Variants in NRG1 observed in about 807,000 individuals in gnomAD.
The protein encoded by NRG1 is pro-neuregulin-1, membrane-bound isoform.
In NRG1, 18 loss-of-function variants were observed where a neutral mutation model predicts 63.8. That is an observed-to-expected ratio of 0.28 (90% CI 0.19 to 0.42). NRG1 has a LOEUF of 0.42. Among genes scored for constraint, NRG1 ranks in the 10% least tolerant of loss-of-function variants. NRG1 has a pLI of 1.00. For missense variants in NRG1, 762 were observed against 814.7 expected (o/e 0.94, Z 0.79); for synonymous variants, 302 against 301.3 (o/e 1.00, Z -0.02).
chr8:32,535,323 T>A (rs540688598), intron 1 of NRG1, among the ~76,000 whole-genome samples: 1 of 152,332 alleles, frequency 6.6e-6, no homozygotes, highest in East Asian at 1.9e-4. Flanking sequence ...ATCCTTAGGC[T>A]GTGATATGTT....
rs35582021 is a variant in NRG1, at chr8:32,281,184, C to CTTTTTTTTTTTTTTTTTTTTTT, written c.38-314633_38-314632insTTTTTTTTTTTTTTTTTTTTTT. On this transcript the variant is annotated intron_variant, in intron 1 of 10. Transcript: ENST00000519301. Reference sequence around the variant, plus strand: ...CATAGTACCCAATAGGTAGTTTTTCCTTTTTTTTTTTGAGACAGAATCTCG... The same window carrying CTTTTTTTTTTTTTTTTTTTTTT: ...CATAGTACCCAATAGGTAGTTTTTCCTTTTTTTTTTTTTTTTTTTTTTTTTTTTTTTTTGAGACAGAATCTCG... Among the ~76,000 whole-genome samples the CTTTTTTTTTTTTTTTTTTTTTT allele has an allele frequency of 3.7e-4, 35 of 94,330 alleles. 5 individuals are homozygous for CTTTTTTTTTTTTTTTTTTTTTT. Among genetic ancestry groups the CTTTTTTTTTTTTTTTTTTTTTT allele is most frequent in the Non-Finnish European group, 4.6e-4 (23 of 50,532 alleles). The allele number at this position is 94,330 out of a possible 152,430, so 61.9% of individuals were successfully genotyped here.
chr8:32,115,157 A>G (rs1031435266), intron 1 of NRG1, among the ~76,000 whole-genome samples: 5 of 151,966 alleles, frequency 3.3e-5, no homozygotes, highest in Non-Finnish European at 7.4e-5. Context: ...CAGCCTCCCA[A>G]GTAGCTGGAA....
intron 1 of NRG1, among the ~76,000 whole-genome samples, chr8:32,316,744 A>G (rs989814285): frequency 2.0e-5 from 3 of 152,116 alleles, no homozygotes; most frequent in Non-Finnish European, 4.4e-5. Flanking sequence ...ATGCATTGCA[A>G]TTAACAGATC....
intron 6 of NRG1, among the ~76,000 whole-genome samples, chr8:32,741,101 A>G (rs1191263107): frequency 6.6e-6 from 1 of 152,140 alleles, no homozygotes; most frequent in Non-Finnish European, 1.5e-5. Flanking sequence ...TGCTTTAGTT[A>G]TTAGAGTAAC....
At chr8:32,493,844 T>A (rs1356701281) in intron 1 of NRG1, among the ~76,000 whole-genome samples, 1 of 152,190 alleles carries the variant, frequency 6.6e-6, no homozygotes, top group Non-Finnish European at 1.5e-5. Context: ...TAATCCCAGA[T>A]GATGTTGGAA....
intron 1 of NRG1, among the ~76,000 whole-genome samples, chr8:31,956,046 A>AAAAAAAAAC (rs1804319608): frequency 1.3e-5 from 2 of 150,020 alleles, no homozygotes; most frequent in East Asian, 1.9e-4. Flanking sequence ...GTCTCAAAAA[A>AAAAAAAAAC]AAAAAAACAA....
At chr8:32,061,987 A>G (rs1004135918) in intron 1 of NRG1, among the ~76,000 whole-genome samples, 21 of 152,092 alleles carry the variant, frequency 1.4e-4, no homozygotes, top group African/African-American at 5.1e-4. Context: ...GGACAGACAT[A>G]CAAGTACCCA....
chr8:32,701,104 C>T (rs1445373459), intron 5 of NRG1, among the ~76,000 whole-genome samples: 1 of 152,182 alleles, frequency 6.6e-6, no homozygotes, highest in African/African-American at 2.4e-5. Context: ...GAAGTCGGGT[C>T]CTGTTCATGT....
At chr8:32,767,302 C>A (rs546401044) in exon 12 of NRG1, 1 of 152,112 alleles carries the variant, frequency 6.6e-6, no homozygotes, top group Non-Finnish European at 1.5e-5. Context: ...GTAACTTGCT[C>A]ACTAACTATT....
intron 1 of NRG1, among the ~76,000 whole-genome samples, chr8:32,501,061 T>C (rs1338130723): frequency 6.6e-6 from 1 of 152,228 alleles, no homozygotes; most frequent in Non-Finnish European, 1.5e-5. Flanking sequence ...TAATATGCTC[T>C]TTCTTTGCTG....
intron 1 of NRG1, among the ~76,000 whole-genome samples, chr8:31,850,750 T>C (rs2129608951): frequency 6.6e-6 from 1 of 152,256 alleles, no homozygotes; most frequent in Non-Finnish European, 1.5e-5. Context: ...CAGTCTTCCT[T>C]CCAGGTTCAT....
intron 5 of NRG1, among the ~76,000 whole-genome samples, chr8:32,660,718 G>A (rs1322885635): frequency 6.6e-6 from 1 of 152,202 alleles, no homozygotes; most frequent in African/African-American, 2.4e-5. Flanking sequence ...TTTCTCATCT[G>A]TGAAATGGTG....
At chr8:32,646,864 A>G (rs1420895232) in intron 5 of NRG1, 1 of 981,884 alleles carries the variant, frequency 1.0e-6, no homozygotes, top group Non-Finnish European at 1.2e-6. Context: ...CTGCAGCTCT[A>G]GAGTGTGGGT....
chr8:31,905,519 T>C (rs1173837476), intron 1 of NRG1, among the ~76,000 whole-genome samples: 4 of 152,210 alleles, frequency 2.6e-5, no homozygotes, highest in Non-Finnish European at 5.9e-5. Flanking sequence ...ATAGGTGGTA[T>C]GGTTCTGTTC....
At chr8:32,442,383 C>G (rs771186180) in intron 1 of NRG1, 2 of 152,182 alleles carry the variant, frequency 1.3e-5, no homozygotes, top group African/African-American at 4.8e-5. Flanking sequence ...GGCTCTTTGG[C>G]ACTTCCCACA....
At chr8:32,052,684 A>G (rs1381150878) in intron 1 of NRG1, among the ~76,000 whole-genome samples, 1 of 152,200 alleles carries the variant, frequency 6.6e-6, no homozygotes, top group Non-Finnish European at 1.5e-5. Context: ...AATGTGGAAG[A>G]ATGAGAACCC....
At chr8:31,774,852 A>G (rs1359999388) in intron 1 of NRG1, among the ~76,000 whole-genome samples, 1 of 152,226 alleles carries the variant, frequency 6.6e-6, no homozygotes, top group African/African-American at 2.4e-5. Flanking sequence ...CAGTAATCAG[A>G]GACATGCAAA....
At chr8:32,536,169 T>C (rs1238296608) in intron 1 of NRG1, among the ~76,000 whole-genome samples, 1 of 152,220 alleles carries the variant, frequency 6.6e-6, no homozygotes, top group Non-Finnish European at 1.5e-5. Context: ...TCTTAGGGTC[T>C]CACCAGGCTG....
intron 1 of NRG1, chr8:32,026,256 C>T (rs1337931557): frequency 6.6e-6 from 1 of 151,794 alleles, no homozygotes; most frequent in Non-Finnish European, 1.5e-5. Context: ...CAGTTGACTA[C>T]TACCGGTAAT....
Sources: gnomAD v4.1 joint callset for allele counts (sites outside exome capture counted in the v4.1 genomes callset) on GRCh38, gnomAD v4.1.1 for gene constraint, MANE v1.5 for transcripts, NCBI Gene and HGNC (gene_info 2026-07-23, HGNC 2026-07-21) for gene names.